Variants in GHR observed in about 807,000 individuals in gnomAD.
GHR encodes the protein GH receptor.
A neutral mutation model predicts 67.1 loss-of-function variants in GHR; 35 were observed. The ratio of observed to expected loss-of-function variants is 0.52; its 90% CI spans 0.40 to 0.69. The LOEUF is 0.69. Ranked by LOEUF, GHR falls within the 30% of genes least tolerant of loss-of-function variation. The probability of loss-of-function intolerance (pLI) is 0.00; values close to 1 mark genes in which losing one functional copy is unlikely to be tolerated. For synonymous variants in GHR, 272 were observed against 269.1 expected, an observed-to-expected ratio of 1.01 and a Z score of -0.10; for missense variants, 792 against 764.6, an observed-to-expected ratio of 1.04 and a Z score of -0.42.
At chr5:42,444,833 T>G (rs1743738542) in intron 1 of GHR, among the ~76,000 whole-genome samples, 1 of 152,194 alleles carries the variant, frequency 6.6e-6, no homozygotes, top group Admixed American at 6.5e-5. Context: ...TCTGCTATGA[T>G]CCTTCCCCTT....
chr5:42,453,839 T>C (rs1022907357), intron 1 of GHR, among the ~76,000 whole-genome samples: 1 of 152,156 alleles, frequency 6.6e-6, no homozygotes, highest in African/African-American at 2.4e-5. Flanking sequence ...AGGCCCTTCA[T>C]GGTCACAGAG....
chr5:42,478,835 G>C (rs1198639999), intron 1 of GHR, among the ~76,000 whole-genome samples: 1 of 152,180 alleles, frequency 6.6e-6, no homozygotes, highest in Non-Finnish European at 1.5e-5. Context: ...TGCAAACAGG[G>C]ACAGTTTGAC....
At chr5:42,575,859 C>A (rs1396770313) in intron 2 of GHR, among the ~76,000 whole-genome samples, 3 of 151,214 alleles carry the variant, frequency 2.0e-5, no homozygotes, top group African/African-American at 7.3e-5. Flanking sequence ...CATGGTGAAA[C>A]CCTATCTCTA....
chr5:42,643,602 G>A (rs901477470), intron 3 of GHR, among the ~76,000 whole-genome samples: 4 of 152,148 alleles, frequency 2.6e-5, no homozygotes, highest in African/African-American at 9.7e-5. Flanking sequence ...ATTTGCATAT[G>A]TGCATGGATT....
At chr5:42,537,170 G>C (rs566852060) in intron 1 of GHR, among the ~76,000 whole-genome samples, 29 of 151,790 alleles carry the variant, frequency 1.9e-4, no homozygotes, top group African/African-American at 6.8e-4. Context: ...GTTCTTCTCT[G>C]TTCTTGGTTA....
At chr5:42,470,514 G>A (rs1039320262) in intron 1 of GHR, among the ~76,000 whole-genome samples, 3 of 152,110 alleles carry the variant, frequency 2.0e-5, no homozygotes, top group African/African-American at 7.2e-5. Context: ...TTATGCAGAT[G>A]TTCTATTGCT....
chr5:42,501,009 T>C (rs1382662674), intron 1 of GHR, among the ~76,000 whole-genome samples: 1 of 152,210 alleles, frequency 6.6e-6, no homozygotes, highest in Non-Finnish European at 1.5e-5. Flanking sequence ...CTACACTGGC[T>C]CATTATCTGG....
At chr5:42,692,834 T>G (rs1757480638) in intron 4 of GHR, among the ~76,000 whole-genome samples, 1 of 152,222 alleles carries the variant, frequency 6.6e-6, no homozygotes, top group African/African-American at 2.4e-5. Flanking sequence ...TTTCTAACTT[T>G]TATACTATCA....
chr5:42,447,178 G>A (rs1030961510), intron 1 of GHR, among the ~76,000 whole-genome samples: 4 of 151,982 alleles, frequency 2.6e-5, no homozygotes, highest in African/African-American at 7.3e-5. Flanking sequence ...TTTTGGGGAA[G>A]AGGTGGTTTT....
chr5:42,689,101 G>T, intron 4 of GHR, 82 bp downstream of exon 4: 1 of 1,197,300 alleles, frequency 8.4e-7, no homozygotes, highest in East Asian at 2.3e-5. Flanking sequence ...CTGTGGGAAT[G>T]GAAGTGATTT....
intron 3 of GHR, among the ~76,000 whole-genome samples, chr5:42,670,880 A>AATATATATATAT (rs55876651): frequency 8.5e-6 from 1 of 118,212 alleles, no homozygotes; most frequent in African/African-American, 3.3e-5. Flanking sequence ...AAAAAAAAAA[A>AATATATATATAT]ATATATATAT....
chr5:42,457,318 T>C (rs1211594809), intron 1 of GHR, among the ~76,000 whole-genome samples: 2 of 152,204 alleles, frequency 1.3e-5, no homozygotes, highest in African/African-American at 2.4e-5. Flanking sequence ...CTTACCCAAA[T>C]TGAATAATCC....
chr5:42,644,754 G>T (rs1164978847), intron 3 of GHR, among the ~76,000 whole-genome samples: 1 of 151,688 alleles, frequency 6.6e-6, no homozygotes, highest in East Asian at 1.9e-4. Context: ...AAACAGGATT[G>T]CTATATGTTG....
chr5:42,500,464 A>G (rs555611261), intron 1 of GHR, among the ~76,000 whole-genome samples: 13 of 152,278 alleles, frequency 8.5e-5, no homozygotes, highest in African/African-American at 2.7e-4. Flanking sequence ...TACTTACTTA[A>G]CAGGGTTGTT....
chr5:42,635,817 T>C (rs1191024201), intron 3 of GHR, among the ~76,000 whole-genome samples: 1 of 152,164 alleles, frequency 6.6e-6, no homozygotes, highest in Non-Finnish European at 1.5e-5. Context: ...AAACATATAC[T>C]GAGGTCTTCT....
At chr5:42,656,904 G>C (rs1360717670) in intron 3 of GHR, among the ~76,000 whole-genome samples, 3 of 151,990 alleles carry the variant, frequency 2.0e-5, no homozygotes, top group Non-Finnish European at 4.4e-5. Flanking sequence ...GGAATTTTGA[G>C]CCCATTATGT....
intron 4 of GHR, among the ~76,000 whole-genome samples, chr5:42,690,827 A>G (rs1013033012): frequency 6.6e-6 from 1 of 152,202 alleles, no homozygotes; most frequent in African/African-American, 2.4e-5. Flanking sequence ...CTATAAATAC[A>G]TTCAGACATG....
chr5:42,477,463 C>T (rs1745389777), intron 1 of GHR, among the ~76,000 whole-genome samples: 1 of 152,226 alleles, frequency 6.6e-6, no homozygotes, highest in Non-Finnish European at 1.5e-5. Context: ...GCCACACTGA[C>T]TTCCACAGTG....
At chr5:42,436,066 G>T (rs1743310851) in intron 1 of GHR, among the ~76,000 whole-genome samples, 1 of 152,170 alleles carries the variant, frequency 6.6e-6, no homozygotes, top group African/African-American at 2.4e-5. Flanking sequence ...CTGAACATTG[G>T]TATAAAACAG....
Sources: allele counts gnomAD v4.1 joint callset (sites outside exome capture counted in the v4.1 genomes callset), GRCh38; gene constraint gnomAD v4.1.1; transcripts MANE v1.5; gene names NCBI Gene and HGNC (gene_info 2026-07-23, HGNC 2026-07-21).